SOX6: variants seen among roughly 807,000 people sequenced by gnomAD.
SOX6 encodes transcription factor SOX-6.
Under a neutral mutation model 97.8 loss-of-function variants are expected in SOX6, and 11 were observed. The ratio of observed to expected loss-of-function variants is 0.11; its 90% CI spans 0.07 to 0.19. The LOEUF (loss-of-function observed/expected upper bound fraction) is 0.19. Ranked by LOEUF, SOX6 falls within the 10% of genes least tolerant of loss-of-function variation. The probability of loss-of-function intolerance (pLI) is 1.00; values close to 1 mark genes in which losing one functional copy is unlikely to be tolerated. For synonymous variants in SOX6, 360 were observed against 371.4 expected, an observed-to-expected ratio of 0.97 and a Z score of 0.35; for missense variants, 810 against 1,039.5, an observed-to-expected ratio of 0.78 and a Z score of 3.04.
intron 6 of SOX6, among the ~76,000 whole-genome samples, chr11:16,134,500 A>G (rs1849905064): frequency 1.3e-5 from 2 of 152,236 alleles, no homozygotes; most frequent in Admixed American, 6.5e-5. Context: ...GTGTTTTTAC[A>G]AATTGAAGGT....
intron 1 of SOX6, among the ~76,000 whole-genome samples, chr11:16,475,668 G>A: frequency 6.6e-6 from 1 of 152,108 alleles, no homozygotes; most frequent in East Asian, 1.9e-4. Flanking sequence ...TAATAATAAT[G>A]AGACAGTTTG....
At chr11:16,288,494 G>A (rs1014581979) in intron 3 of SOX6, among the ~76,000 whole-genome samples, 2 of 152,114 alleles carry the variant, frequency 1.3e-5, no homozygotes, top group South Asian at 4.1e-4. Context: ...TATCTAAGTG[G>A]AGAAAGCAGA....
At chr11:16,263,603 C>T (rs1455211666) in intron 3 of SOX6, among the ~76,000 whole-genome samples, 1 of 151,856 alleles carries the variant, frequency 6.6e-6, no homozygotes, top group African/African-American at 2.4e-5. Flanking sequence ...TTTGGCACTT[C>T]CAGTAATTGC....
chr11:16,456,241 G>A (rs373001424), intron 1 of SOX6, among the ~76,000 whole-genome samples: 8 of 152,126 alleles, frequency 5.3e-5, no homozygotes, highest in East Asian at 1.9e-4. Flanking sequence ...GGTTTAGTCC[G>A]TTTTAGTGAT....
chr11:15,988,919 C>G (rs1417559078), intron 14 of SOX6, 78 bp downstream of exon 14: 4 of 1,381,848 alleles, frequency 2.9e-6, no homozygotes, highest in Non-Finnish European at 4.1e-6. Flanking sequence ...TCCTAGTTAT[C>G]CCCTTGCTTC....
chr11:16,177,181 G>C (rs1052486280), intron 6 of SOX6, among the ~76,000 whole-genome samples: 1 of 151,904 alleles, frequency 6.6e-6, no homozygotes, highest in African/African-American at 2.4e-5. Context: ...TTATTTTAAA[G>C]TATGGCTTAT....
chr11:16,647,275 C>T (rs1442811401), intron 3 of SOX6, among the ~76,000 whole-genome samples: 2 of 152,092 alleles, frequency 1.3e-5, no homozygotes, highest in South Asian at 4.1e-4. Flanking sequence ...GATATGATTT[C>T]TATGCCCCTC....
At chr11:16,644,945 G>A (rs1256316262) in intron 3 of SOX6, among the ~76,000 whole-genome samples, 1 of 152,162 alleles carries the variant, frequency 6.6e-6, no homozygotes, top group Admixed American at 6.6e-5. Flanking sequence ...ATTTCCTAGA[G>A]ACCATTTTAA....
chr11:16,579,774 T>C (rs561583998), intron 4 of SOX6, among the ~76,000 whole-genome samples: 61 of 152,236 alleles, frequency 4.0e-4, no homozygotes, highest in African/African-American at 1.4e-3. Flanking sequence ...TGTCTTTTAG[T>C]GGACAAATAC....
At chr11:16,297,153 C>G (rs531895160) in intron 3 of SOX6, among the ~76,000 whole-genome samples, 9 of 152,122 alleles carry the variant, frequency 5.9e-5, no homozygotes, top group Admixed American at 2.6e-4. Flanking sequence ...ACTAATGTTA[C>G]TTTCATAAAG....
intron 12 of SOX6, among the ~76,000 whole-genome samples, chr11:16,044,950 A>ATCTG (rs1554920915): frequency 6.9e-6 from 1 of 145,674 alleles, no homozygotes; most frequent in African/African-American, 2.6e-5. Flanking sequence ...TTATCTATCT[A>ATCTG]TCTATCTGTC....
At chr11:16,158,178 A>G (rs895068335) in intron 6 of SOX6, among the ~76,000 whole-genome samples, 5 of 151,938 alleles carry the variant, frequency 3.3e-5, no homozygotes, top group Non-Finnish European at 5.9e-5. Flanking sequence ...AATTAAACAC[A>G]TCTCTTCATT....
At chr11:16,325,616 A>G (rs1565092796) in intron 2 of SOX6, among the ~76,000 whole-genome samples, 1 of 152,180 alleles carries the variant, frequency 6.6e-6, no homozygotes, top group East Asian at 1.9e-4. Context: ...CACAGAAAAA[A>G]TAAACAAGAT....
chr11:16,168,186 T>A (rs1416201618), intron 6 of SOX6, among the ~76,000 whole-genome samples: 1 of 152,158 alleles, frequency 6.6e-6, no homozygotes, highest in East Asian at 1.9e-4. Flanking sequence ...ATAACATGAA[T>A]CTAATGTGAT....
Position 16,297,731 on chromosome 11 carries a change from A to C in SOX6, c.445+20715T>G, listed in dbSNP as rs572425328. Reference sequence around the variant, plus strand: ...TGATTAAATATATCACTTTTTCAAGACAAGCAGGTTGTCTGAATCAAAGTT... The same window carrying C: ...TGATTAAATATATCACTTTTTCAAGCCAAGCAGGTTGTCTGAATCAAAGTT... On this transcript the variant is annotated intron_variant, in intron 3 of 15. Coordinates refer to ENST00000683767, the MANE Select transcript of SOX6 (RefSeq NM_001367873.1). 1.4e-3 allele frequency among the ~76,000 whole-genome samples: 215 copies of C among 152,288 alleles called. 1 individual carries two copies. The highest frequency in any genetic ancestry group is 2.1e-4 in the Non-Finnish European group (14 of 68,024).
chr11:16,515,846 T>A (rs758425471), intron 4 of SOX6, among the ~76,000 whole-genome samples: 10,891 of 106,512 alleles, frequency 0.1, 698 homozygotes, highest in Non-Finnish European at 0.13. Flanking sequence ...TTGTCAAAGA[T>A]CAGATAGTTG....
At chr11:16,117,794 A>G (rs1036994235) in intron 6 of SOX6, among the ~76,000 whole-genome samples, 1 of 152,124 alleles carries the variant, frequency 6.6e-6, no homozygotes, top group South Asian at 2.1e-4. Context: ...CTACCTTCCC[A>G]TCATCCCGTT....
At position 16,287,247 on chromosome 11, in the gene SOX6, T is replaced by C. The variant is rs955862983; in HGVS notation, c.445+31199A>G. 8.5e-5 allele frequency among the ~76,000 whole-genome samples: 9 copies of C among 106,018 alleles called. No homozygotes were observed. The Admixed American group carries it at 9.4e-4, about 11-fold the overall frequency. The allele number at this position is 106,018 out of a possible 152,430, so 69.6% of individuals were successfully genotyped here. A position where few individuals can be genotyped will look rare whatever the true frequency, so the allele number is the denominator to read the frequency against. The stretch of plus-strand genomic sequence containing the variant: ...CCTGTTAGTCTCTCCTTTTAATCTC[T>C]CTTCTCTCTGTCTCTCTCTCTCTCT... On this transcript the variant is annotated intron_variant, in intron 3 of 15. Coordinates refer to ENST00000683767, the MANE Select transcript of SOX6 (RefSeq NM_001367873.1).
At chr11:16,456,526 G>A (rs1178855537) in intron 1 of SOX6, among the ~76,000 whole-genome samples, 2 of 152,122 alleles carry the variant, frequency 1.3e-5, no homozygotes, top group African/African-American at 4.8e-5. Flanking sequence ...AGTGAAAGGA[G>A]CAGATGAAGT....
Sources: gnomAD v4.1 joint callset for allele counts (sites outside exome capture counted in the v4.1 genomes callset) on GRCh38, gnomAD v4.1.1 for gene constraint, MANE v1.5 for transcripts, NCBI Gene and HGNC (gene_info 2026-07-23, HGNC 2026-07-21) for gene names.